FOXJ3: variants seen among roughly 807,000 people sequenced by gnomAD.
FOXJ3 encodes forkhead box protein J3.
FOXJ3 carries 22 observed loss-of-function variants against 76.1 expected under a neutral mutation model. The observed-to-expected ratio is 0.29, with a 90% CI of 0.21 to 0.41. FOXJ3 has a LOEUF of 0.41. Among genes scored for constraint, FOXJ3 ranks in the 10% least tolerant of loss-of-function variants. The pLI is 1.00. For missense variants in FOXJ3, 613 were observed against 762.1 expected (o/e 0.80, Z 2.30); for synonymous variants, 269 against 261.2 (o/e 1.03, Z -0.29).
At chr1:42,201,510 A>C (rs1646764575) in intron 6 of FOXJ3, among the ~76,000 whole-genome samples, 1 of 152,220 alleles carries the variant, frequency 6.6e-6, no homozygotes, top group South Asian at 2.1e-4. Context: ...AGCACTTCCA[A>C]CTATGAACAG....
rs530249587 is a variant in FOXJ3, at chr1:42,238,953, T to C, written c.445-10987A>G. ...AACATACTATACATGTCTCCATTCA[T>C]GTAGATCTGCCCTTATTTCTCTTGG... On this transcript the variant is annotated intron_variant, in intron 4 of 12. Coordinates refer to ENST00000361346, the MANE Select transcript of FOXJ3 (RefSeq NM_014947.5). Among the ~76,000 whole-genome samples, 7 of 152,356 alleles carry C rather than the reference T, an allele frequency of 4.6e-5. No homozygotes were observed. The South Asian group carries it at 1.4e-3, about 32-fold the overall frequency.
chr1:42,267,370 C>A (rs946162195), intron 3 of FOXJ3, among the ~76,000 whole-genome samples: 14 of 152,134 alleles, frequency 9.2e-5, no homozygotes, highest in African/African-American at 3.4e-4. Context: ...TTAACAGGAG[C>A]CCACTGCTGG....
At chr1:42,252,505 T>C (rs1650177151) in intron 4 of FOXJ3, among the ~76,000 whole-genome samples, 1 of 152,184 alleles carries the variant, frequency 6.6e-6, no homozygotes, top group Non-Finnish European at 1.5e-5. Context: ...TATTTGATTC[T>C]TCTCTCTTTT....
chr1:42,272,059 C>T (rs542239161), intron 3 of FOXJ3, among the ~76,000 whole-genome samples: 5 of 152,280 alleles, frequency 3.3e-5, no homozygotes, highest in African/African-American at 9.6e-5. Flanking sequence ...GGCCCTGACA[C>T]AAAATGAAAG....
intron 5 of FOXJ3, among the ~76,000 whole-genome samples, chr1:42,223,295 G>T (rs624635): frequency 6.6e-6 from 1 of 152,004 alleles, no homozygotes; most frequent in Non-Finnish European, 1.5e-5. Flanking sequence ...TCTTGCAATG[G>T]GTTATGTGAA....
intron 1 of FOXJ3, among the ~76,000 whole-genome samples, chr1:42,311,650 A>AGTAGTAGTAGTAGTAGTAGTAGT (rs1553169329): frequency 6.7e-6 from 1 of 149,414 alleles, no homozygotes; most frequent in South Asian, 2.1e-4. Context: ...TTTAAAAAAA[A>AGTAGTAGTAGTAGTAGTAGTAGT]AGTAGTAGTA....
At chr1:42,299,220 C>A (rs2124726992) in intron 2 of FOXJ3, among the ~76,000 whole-genome samples, 1 of 152,316 alleles carries the variant, frequency 6.6e-6, no homozygotes, top group South Asian at 2.1e-4. Context: ...TGTTGATGTT[C>A]TCCACTATTA....
chr1:42,203,066 C>T (rs1281597187), intron 6 of FOXJ3, among the ~76,000 whole-genome samples: 1 of 152,092 alleles, frequency 6.6e-6, no homozygotes, highest in Non-Finnish European at 1.5e-5. Context: ...TCCATCTGCA[C>T]GTTTTCTACA....
Position 42,179,502 on chromosome 1 carries a change from G to A in FOXJ3, c.*208C>T. The A allele has an allele frequency of 2.6e-6, 1 of 384,658 alleles. No individual in the cohort carries two copies. The highest frequency in any genetic ancestry group is 4.0e-5 in the Admixed American group (1 of 24,766). 23.8% of individuals were successfully genotyped at this position (384,658 alleles called of 1,614,324 possible). A position where few individuals can be genotyped will look rare whatever the true frequency, so the allele number is the denominator to read the frequency against. On this transcript the variant is annotated 3_prime_UTR_variant, in exon 13 of 13. Coordinates refer to ENST00000361346, the MANE Select transcript of FOXJ3 (RefSeq NM_014947.5). ...AGTTAGGAGCTACATAGGGCAGCTG[G>A]CAGGGAGACAAACATGTAGTACTTG...
chr1:42,249,907 T>C (rs1649880944), intron 4 of FOXJ3, among the ~76,000 whole-genome samples: 1 of 152,218 alleles, frequency 6.6e-6, no homozygotes, highest in African/African-American at 2.4e-5. Flanking sequence ...TAACTTCCTT[T>C]CCGAGTTATT....
chr1:42,290,991 T>G (rs567803624), intron 2 of FOXJ3, among the ~76,000 whole-genome samples: 3 of 151,766 alleles, frequency 2.0e-5, no homozygotes, highest in South Asian at 2.1e-4. Flanking sequence ...AGGACAGACA[T>G]AGATCAACAG....
At chr1:42,265,620 AGAT>A (rs1415380422) in intron 3 of FOXJ3, among the ~76,000 whole-genome samples, 1 of 152,238 alleles carries the variant, frequency 6.6e-6, no homozygotes, top group African/African-American at 2.4e-5. Flanking sequence ...ATGAAATTAA[AGAT>A]GATGACTATT....
At chr1:42,293,785 C>T (rs2124711610) in intron 2 of FOXJ3, among the ~76,000 whole-genome samples, 1 of 152,258 alleles carries the variant, frequency 6.6e-6, no homozygotes, top group African/African-American at 2.4e-5. Flanking sequence ...TGCTTTTTAA[C>T]ATAGCTGATA....
At chr1:42,232,607 T>C (rs1250511947) in intron 4 of FOXJ3, among the ~76,000 whole-genome samples, 1 of 151,600 alleles carries the variant, frequency 6.6e-6, no homozygotes, top group Non-Finnish European at 1.5e-5. Flanking sequence ...TTTTGAGAAG[T>C]GTCTGTTCAT....
intron 4 of FOXJ3, among the ~76,000 whole-genome samples, chr1:42,243,163 C>G (rs534539778): frequency 6.6e-6 from 1 of 152,232 alleles, no homozygotes; most frequent in South Asian, 2.1e-4. Context: ...TAGACAAACC[C>G]TACAAAGAAA....
chr1:42,315,950 T>G (rs533910342), intron 1 of FOXJ3, among the ~76,000 whole-genome samples: 15 of 152,336 alleles, frequency 9.8e-5, no homozygotes, highest in East Asian at 1.9e-4. Flanking sequence ...CTAATGAGTA[T>G]GCTGCAATAC....
intron 5 of FOXJ3, among the ~76,000 whole-genome samples, chr1:42,216,326 G>T (rs1430083207): frequency 4.0e-5 from 6 of 151,768 alleles, no homozygotes; most frequent in Non-Finnish European, 2.9e-5. Flanking sequence ...AGACCATCCT[G>T]GCTAACACGG....
intron 4 of FOXJ3, among the ~76,000 whole-genome samples, chr1:42,240,596 C>T (rs1649057721): frequency 6.6e-6 from 1 of 152,170 alleles, no homozygotes; most frequent in African/African-American, 2.4e-5. Context: ...CCACAGACTA[C>T]CAAGACAATT....
At position 42,305,469 on chromosome 1, in the gene FOXJ3, G is replaced by C. The variant is rs550461046; in HGVS notation, c.44+5581C>G. 2.6e-5 allele frequency among the ~76,000 whole-genome samples: 4 copies of C among 152,322 alleles called. No individual in the cohort carries two copies. In the East Asian group the frequency reaches 7.7e-4, roughly 29 times the overall value. ...GTACTCCCATATTGTTTGCAATACT[G>C]TTCACAATAGCCAAGATTTGGAAGC... On this transcript the variant is annotated intron_variant, in intron 2 of 12. Transcript: ENST00000361346.
Sources: gnomAD v4.1 joint callset for allele counts (sites outside exome capture counted in the v4.1 genomes callset) on GRCh38, gnomAD v4.1.1 for gene constraint, MANE v1.5 for transcripts, NCBI Gene and HGNC (gene_info 2026-07-23, HGNC 2026-07-21) for gene names.